BBOF1: variants seen among roughly 807,000 people sequenced by gnomAD.
BBOF1 encodes the protein basal body orientation factor 1, also known as basal body-orientation factor 1.
Under a neutral mutation model 68.0 loss-of-function variants are expected in BBOF1, and 62 were observed. The observed-to-expected ratio is 0.91, with a 90% confidence interval of 0.74 to 1.13. BBOF1 has a LOEUF of 1.13. BBOF1 is among the 50% of genes most tolerant of loss of function. BBOF1 has a pLI of 0.00. For missense variants in BBOF1, 534 were observed against 600.1 expected, an observed-to-expected ratio of 0.89 and a Z score of 1.15; for synonymous variants, 208 against 198.8, an observed-to-expected ratio of 1.05 and a Z score of -0.39.
rs548755249 is a variant in BBOF1, at chr14:74,041,870, C to T, written c.576+1225C>T. 3.6e-4 allele frequency among the ~76,000 whole-genome samples: 55 copies of T among 152,248 alleles called. 2 individuals carry two copies. The South Asian group carries it at 0.011, about 30-fold the overall frequency. On this transcript the variant is annotated intron_variant, in intron 5 of 11. Coordinates refer to ENST00000394009, the MANE Select transcript of BBOF1 (RefSeq NM_025057.3). ...TGGCCAACATGGTGAAACCCCATCT[C>T]TACTAAAAATACAAAAATTAGCCAG...
intron 2 of BBOF1, among the ~76,000 whole-genome samples, chr14:74,025,708 A>G (rs2059407772): frequency 1.3e-5 from 2 of 152,208 alleles, no homozygotes; most frequent in African/African-American, 2.4e-5. Context: ...TGTACATAGT[A>G]TCTCACTTGT....
intron 3 of BBOF1, among the ~76,000 whole-genome samples, chr14:74,031,349 G>T (rs1158064442): frequency 6.6e-6 from 1 of 152,040 alleles, no homozygotes; most frequent in Admixed American, 6.6e-5. Flanking sequence ...CTGGCCTTAA[G>T]CGATCCTTCC....
At chr14:74,067,429 C>A (rs140319465), downstream of BBOF1, 1 of 1,614,102 alleles carries the variant, frequency 6.2e-7, no homozygotes, top group Non-Finnish European at 8.5e-7. Flanking sequence ...CTGGCAGCCA[C>A]TTCTTGGCTT....
chr14:74,040,514 G>T, intron 4 of BBOF1, 51 bp from the exon 5 acceptor site: 3 of 1,123,428 alleles, frequency 2.7e-6, no homozygotes, highest in South Asian at 2.9e-5. Context: ...TGTGCTCAAT[G>T]ACCCCCATTT....
chr14:74,035,584 AT>A (rs71460945), intron 4 of BBOF1, among the ~76,000 whole-genome samples: 21,497 of 81,104 alleles, frequency 0.27, 2,856 homozygotes, highest in East Asian at 0.57. Flanking sequence ...CCCCCAGCTA[AT>A]TTTTTTTTTT....
chr14:74,049,650 A>G (rs1246255872), intron 7 of BBOF1, 52 bp from the exon 8 acceptor site: 22 of 1,455,864 alleles, frequency 1.5e-5, no homozygotes, highest in Non-Finnish European at 1.8e-5. Context: ...CGACAGAGCA[A>G]GATTCCATCT....
chr14:74,019,490 G>T lies in BBOF1; in HGVS notation c.12G>T (p.Lys4Asn). The change falls in exon 1 of 12, where the codon AAG (lysine) becomes AAT (asparagine). Residue 4 changes from lysine to asparagine, a missense_variant. Lys to Asn is a moderately conservative substitution (Grantham distance 94). Transcript: ENST00000394009. ...CTGGGGAAGCCAAGATGCCGTCGAA[G>T]GGAAAGGACAAAAAGAAAGGCAAGA... Reference protein sequence around the residue: MPSKGKDKKKGKSK... With the variant: MPSNGKDKKKGKSK... 2 of 1,605,704 alleles carry T rather than the reference G, an allele frequency of 1.2e-6. No individual in the cohort carries two copies. Among genetic ancestry groups the T allele is most frequent in the East Asian group, 4.5e-5 (2 of 44,424 alleles).
In BBOF1 at chr14:74,055,617, T is replaced by C. The variant is rs750375501; in HGVS notation, c.1320T>C (p.Asp440=). 37 of 1,613,852 alleles carry C rather than the reference T, an allele frequency of 2.3e-5. No homozygotes were observed. Among genetic ancestry groups the C allele is most frequent in the Non-Finnish European group, 3.0e-5 (35 of 1,179,920 alleles). Residue 440 remains aspartate, a synonymous_variant, in exon 9 of 12, where the codon GAT becomes GAC. Coordinates refer to ENST00000394009, the MANE Select transcript of BBOF1 (RefSeq NM_025057.3). The stretch of plus-strand genomic sequence containing the variant: ...TTGAAGGAAATGTGGATATTGGAGA[T>C]TTGACCTGGGAGCAGAAGGAAAAAG... The part of the protein sequence containing the change: ...THIEGNVDIG[D]LTWEQKEKVL...
chr14:74,058,796 T>C (rs1001683807), intron 11 of BBOF1: 6 of 152,870 alleles, frequency 3.9e-5, no homozygotes, highest in East Asian at 1.9e-4. Context: ...ACAAAAAGCA[T>C]AGAGGCGGCT....
chr14:74,056,846 A>G, intron 9 of BBOF1, 60 bp from the exon 10 acceptor site: 1 of 1,113,490 alleles, frequency 9.0e-7, no homozygotes, highest in South Asian at 1.4e-5. Context: ...AAAAGAAAAT[A>G]TGAAGGCATG....
chr14:74,036,966 C>CT (rs2059716639), intron 4 of BBOF1, among the ~76,000 whole-genome samples: 8 of 123,386 alleles, frequency 6.5e-5, no homozygotes, highest in South Asian at 2.5e-4. Flanking sequence ...TTTTTTTTTT[C>CT]TTTTTTCTTT....
chr14:74,056,822 A>C, intron 9 of BBOF1, 84 bp from the exon 10 acceptor site: 1 of 920,376 alleles, frequency 1.1e-6, no homozygotes, highest in Non-Finnish European at 1.7e-6. Flanking sequence ...AAAATAAAAA[A>C]AAATTAAAAT....
intron 3 of BBOF1, chr14:74,031,916 G>C (rs1373891244): frequency 1.3e-5 from 2 of 152,026 alleles, no homozygotes; most frequent in Non-Finnish European, 1.5e-5. Context: ...CTTCATGTAT[G>C]TATCTTTTCA....
At chr14:74,060,611 A>C in intron 11 of BBOF1, 2 of 1,435,030 alleles carry the variant, frequency 1.4e-6, no homozygotes, top group South Asian at 2.3e-5. Context: ...GAGATTACTC[A>C]GGATGGAGTC....
chr14:74,057,171 C>T lies in BBOF1; in HGVS notation c.1491C>T (p.Ile497=). 2.5e-6 allele frequency: 4 copies of T among 1,613,112 alleles called. No individual in the cohort carries two copies. The highest frequency in any genetic ancestry group is 3.4e-6 in the Non-Finnish European group (4 of 1,179,280). Residue 497 remains isoleucine (I), a synonymous_variant, in exon 11 of 12, where the codon ATC becomes ATT. Coordinates refer to ENST00000394009, the MANE Select transcript of BBOF1 (RefSeq NM_025057.3). ...FGDESKLQDK[I]FITQQIAISD... The stretch of plus-strand genomic sequence containing the variant: ...ATGAAAGTAAGCTTCAAGATAAAAT[C>T]TTCATCACCCAGCAAATTGCAATAT...
chr14:74,066,514 T>A (rs1295429285), downstream of BBOF1, among the ~76,000 whole-genome samples: 5 of 152,130 alleles, frequency 3.3e-5, no homozygotes, highest in Non-Finnish European at 2.9e-5. Flanking sequence ...AGACTGCTGG[T>A]ATAGTGGAAA....
At chr14:74,069,717 C>T (rs930472517), downstream of BBOF1, among the ~76,000 whole-genome samples, 14 of 152,076 alleles carry the variant, frequency 9.2e-5, no homozygotes, top group Non-Finnish European at 1.6e-4. Flanking sequence ...TGTGCCATTG[C>T]GCCTCAGCCT....
intron 9 of BBOF1, chr14:74,072,718 T>G: frequency 7.9e-7 from 1 of 1,262,312 alleles, no homozygotes; most frequent in South Asian, 1.3e-5. Flanking sequence ...GAAAACAAGT[T>G]GATAACGGAA....
chr14:74,031,483 T>C (rs879026004), intron 3 of BBOF1, among the ~76,000 whole-genome samples: 9 of 152,174 alleles, frequency 5.9e-5, no homozygotes, highest in Admixed American at 5.9e-4. Context: ...GGTCCCTGTC[T>C]TAGTTCAGGC....
Sources: allele counts gnomAD v4.1 joint callset (sites outside exome capture counted in the v4.1 genomes callset), GRCh38; gene constraint gnomAD v4.1.1; transcripts MANE v1.5; gene names NCBI Gene and HGNC (gene_info 2026-07-23, HGNC 2026-07-21).